The following BAIAP2L2 variants were observed in gnomAD, a reference collection of about 807,000 sequenced individuals.
BAIAP2L2 encodes BAR/IMD domain-containing adapter protein 2-like 2.
Under a neutral mutation model 60.4 loss-of-function variants are expected in BAIAP2L2, and 65 were observed. That is an observed-to-expected ratio of 1.08 (90% CI 0.88 to 1.32). The LOEUF is 1.32. Ranked by LOEUF, BAIAP2L2 falls within the 40% of genes most tolerant of loss-of-function variation. The pLI is 0.00. For synonymous variants in BAIAP2L2, 344 were observed against 301.7 expected (o/e 1.14, Z -1.45); for missense variants, 836 against 741.2 (o/e 1.13, Z -1.48).
intron 4 of BAIAP2L2, among the ~76,000 whole-genome samples, chr22:38,105,037 T>A (rs1347433870): frequency 6.6e-6 from 1 of 152,182 alleles, no homozygotes; most frequent in Non-Finnish European, 1.5e-5. Context: ...CTCTAATCTG[T>A]TCAGCAAGAT....
chr22:38,105,811 T>C (rs2086655111), intron 4 of BAIAP2L2, among the ~76,000 whole-genome samples: 2 of 152,164 alleles, frequency 1.3e-5, no homozygotes, highest in African/African-American at 4.8e-5. Context: ...GGCAGGGGTT[T>C]TTGTCTGCTG....
chr22:38,102,977 C>T (rs933001004), intron 4 of BAIAP2L2, among the ~76,000 whole-genome samples: 4 of 150,426 alleles, frequency 2.7e-5, no homozygotes, highest in African/African-American at 7.4e-5. Context: ...ACCTGGGAGG[C>T]GGAGCTTGCA....
At chr22:38,103,679 A>G (rs1405605187) in intron 4 of BAIAP2L2, among the ~76,000 whole-genome samples, 1 of 152,128 alleles carries the variant, frequency 6.6e-6, no homozygotes, top group African/African-American at 2.4e-5. Context: ...CCTGGCCAAC[A>G]AGGTGAAACC....
At position 38,108,008 on chromosome 22, in the gene BAIAP2L2, C is replaced by G. The variant is rs530001532; in HGVS notation, c.215-95G>C. ...GCTGAAAGCCAACAGAGGGCCTGCC[C>G]GAGACTGGATTTTGGGACCAAAGTC... On this transcript the variant is annotated intron_variant, in intron 3 of 13. Coordinates refer to ENST00000381669, the MANE Select transcript of BAIAP2L2 (RefSeq NM_025045.6). 4 of 1,369,734 alleles carry G rather than the reference C, an allele frequency of 2.9e-6. No individual in the cohort carries two copies. In the African/African-American group the frequency reaches 4.3e-5, roughly 15 times the overall value. The allele number at this position is 1,369,734 out of a possible 1,614,324, so 84.8% of individuals were successfully genotyped here.
intron 2 of BAIAP2L2, 119 bp from the exon 3 acceptor site, chr22:38,108,460 C>T (rs1051917685): frequency 4.0e-6 from 3 of 750,008 alleles, no homozygotes; most frequent in Non-Finnish European, 4.4e-6. Flanking sequence ...TCTGTGTGTG[C>T]CCCTGAGGAG....
chr22:38,096,927 G>T, intron 7 of BAIAP2L2, 105 bp downstream of exon 7: 2 of 1,292,758 alleles, frequency 1.5e-6, no homozygotes, highest in Non-Finnish European at 2.1e-6. Context: ...AGACAGGCAG[G>T]CAGGGAGGGA....
At position 38,108,249 on chromosome 22, in the gene BAIAP2L2, C is replaced by A; in HGVS notation, c.214+6G>T. 3 of 1,611,280 alleles carry A rather than the reference C, an allele frequency of 1.9e-6. No homozygotes were observed. The highest frequency in any genetic ancestry group is 2.5e-6 in the Non-Finnish European group (3 of 1,179,244). On this transcript the variant is annotated splice_donor_region_variant and intron_variant, in intron 3 of 13. Transcript: ENST00000381669. ...AATGGGGTCTGCTGTGGAGGGGGAG[C>A]CTCACCCAGAATCTGTGAGGTGGGG...
Position 38,085,292 on chromosome 22 carries a change from A to G in BAIAP2L2, c.*8T>C. On this transcript the variant is annotated 3_prime_UTR_variant, in exon 14 of 14. Coordinates refer to ENST00000381669, the MANE Select transcript of BAIAP2L2 (RefSeq NM_025045.6). Reference sequence around the variant, plus strand: ...GGTGCACTGTGGGGTACGACCTCGGACCCCGCCTCAGCGGATGAGGGGTGC... The same window carrying G: ...GGTGCACTGTGGGGTACGACCTCGGGCCCCGCCTCAGCGGATGAGGGGTGC... 1 of 1,613,530 alleles carries G rather than the reference A, an allele frequency of 6.2e-7. No homozygotes were observed.
intron 6 of BAIAP2L2, among the ~76,000 whole-genome samples, chr22:38,097,790 G>A (rs2086472821): frequency 1.3e-5 from 2 of 152,124 alleles, no homozygotes; most frequent in African/African-American, 4.8e-5. Context: ...AGTAGGAGAT[G>A]GGGGAGGTGG....
chr22:38,098,022 C>CCCCTCCAGGG, intron 6 of BAIAP2L2, 41 bp downstream of exon 6: 1 of 790,962 alleles, frequency 1.3e-6, no homozygotes. Context: ...GGTCTGCCCA[C>CCCCTCCAGGG]CCGCCCTTCC....
chr22:38,090,129 T>TTTTTTTTTTG (rs2086260025), intron 7 of BAIAP2L2: 1 of 113,750 alleles, frequency 8.8e-6, no homozygotes, highest in African/African-American at 3.4e-5. Context: ...TTTTTTTTTT[T>TTTTTTTTTTG]AGACGGAGTC....
chr22:38,098,305 G>C, intron 5 of BAIAP2L2, 106 bp downstream of exon 5: 1 of 1,448,262 alleles, frequency 6.9e-7, no homozygotes, highest in East Asian at 2.3e-5. Flanking sequence ...GGATAATCTG[G>C]GGCCCAGTCA....
At chr22:38,088,524 C>T (rs187211470) in intron 10 of BAIAP2L2, among the ~76,000 whole-genome samples, 2 of 152,330 alleles carry the variant, frequency 1.3e-5, no homozygotes, top group Admixed American at 1.3e-4. Flanking sequence ...CCATCCTCTG[C>T]CCGCTCTCAA....
At chr22:38,109,014 A>C in intron 2 of BAIAP2L2, 119 bp downstream of exon 2, 1 of 799,980 alleles carries the variant, frequency 1.3e-6, no homozygotes, top group Non-Finnish European at 2.0e-6. Context: ...GGTGGTGGGT[A>C]GGAGGGTGTA....
At position 38,109,170 on chromosome 22, in the gene BAIAP2L2, C is replaced by T. The variant is rs770176603; in HGVS notation, c.90G>A (p.Leu30=). 9 of 1,613,018 alleles carry T rather than the reference C, an allele frequency of 5.6e-6. No individual in the cohort carries two copies. The African/African-American group carries it at 6.7e-5, about 12-fold the overall frequency. ...GCAGGTAGTTGTTGCCCAGGTACAC[C>T]AGGTTCTCCAGGGCGGGGTTAAACT... The part of the protein sequence containing the change: ...MEQFNPALEN[L]VYLGNNYLRA... Residue 30 remains leucine, a synonymous_variant, in exon 2 of 14, where the codon CTG becomes CTA. Coordinates refer to ENST00000381669, the MANE Select transcript of BAIAP2L2 (RefSeq NM_025045.6).
Position 38,089,061 on chromosome 22 carries a change from C to T in BAIAP2L2, c.901+35G>A, listed in dbSNP as rs369859899. The T allele has an allele frequency of 3.8e-4, 531 of 1,382,134 alleles. 3 individuals carry two copies. In the East Asian group the frequency reaches 0.012, roughly 31 times the overall value. 85.6% of individuals were successfully genotyped at this position (1,382,134 alleles called of 1,614,324 possible). A position where few individuals can be genotyped will look rare whatever the true frequency, so the allele number is the denominator to read the frequency against. On this transcript the variant is annotated intron_variant, in intron 9 of 13. Coordinates refer to ENST00000381669, the MANE Select transcript of BAIAP2L2 (RefSeq NM_025045.6). ...TGCAGCCCCACCCCCGCGCCTCTCC[C>T]GGCCCTCCTGCCGCCCCGGGGCGGG... is the stretch of plus-strand genomic sequence containing the variant.
intron 11 of BAIAP2L2, 100 bp from the exon 12 acceptor site, chr22:38,086,549 G>C (rs1410462514): frequency 1.1e-6 from 1 of 890,116 alleles, no homozygotes; most frequent in East Asian, 2.8e-5. Flanking sequence ...GCATCCGACA[G>C]CTTCCTCCCC....
chr22:38,098,035 G>GGC, intron 6 of BAIAP2L2, 28 bp downstream of exon 6: 4 of 977,976 alleles, frequency 4.1e-6, no homozygotes, highest in Non-Finnish European at 6.2e-6. Context: ...GCCCTTCCTG[G>GGC]CCCACCCCCG....
rs150975404 is a variant in BAIAP2L2, at chr22:38,101,692, A to G, written c.277-3210T>C. Reference sequence around the variant, plus strand: ...AACATAGTGAAACCCCATCTCTACTAAAAGTACATAAATTAGCCGAGCATG... The same window carrying G: ...AACATAGTGAAACCCCATCTCTACTGAAAGTACATAAATTAGCCGAGCATG... On this transcript the variant is annotated intron_variant, in intron 4 of 13. Coordinates refer to ENST00000381669, the MANE Select transcript of BAIAP2L2 (RefSeq NM_025045.6). Among the ~76,000 whole-genome samples the G allele has an allele frequency of 3.9e-3, 593 of 152,106 alleles. 2 individuals are homozygous for G. Among genetic ancestry groups the G allele is most frequent in the African/African-American group, 0.013 (558 of 41,480 alleles).
Sources: allele counts gnomAD v4.1 joint callset (sites outside exome capture counted in the v4.1 genomes callset), GRCh38; gene constraint gnomAD v4.1.1; transcripts MANE v1.5; gene names NCBI Gene and HGNC (gene_info 2026-07-23, HGNC 2026-07-21).